The following ADAM12 variants were observed in gnomAD, a reference collection of about 807,000 sequenced individuals.
ADAM12 encodes disintegrin and metalloproteinase domain-containing protein 12.
ADAM12 carries 70 observed loss-of-function variants against 106.4 expected under a neutral mutation model. The observed-to-expected ratio is 0.66, with a 90% CI of 0.54 to 0.80. The LOEUF (loss-of-function observed/expected upper bound fraction) is 0.80. Among genes scored for constraint, ADAM12 ranks in the 30% least tolerant of loss-of-function variants. ADAM12 has a pLI of 0.00. For missense variants in ADAM12, 1,010 were observed against 1,171.9 expected, an observed-to-expected ratio of 0.86 and a Z score of 2.02; for synonymous variants, 420 against 433.5, an observed-to-expected ratio of 0.97 and a Z score of 0.39.
chr10:126,322,008 G>A (rs1364575345), intron 2 of ADAM12, among the ~76,000 whole-genome samples: 2 of 152,048 alleles, frequency 1.3e-5, no homozygotes, highest in African/African-American at 4.8e-5. Flanking sequence ...TAGTCTAGGG[G>A]TTATAAACTA....
chr10:126,385,123 G>A (rs1856617939), intron 1 of ADAM12, among the ~76,000 whole-genome samples: 1 of 152,204 alleles, frequency 6.6e-6, no homozygotes, highest in Admixed American at 6.5e-5. Context: ...AAAAACAGTT[G>A]GAAGAGATGC....
At chr10:126,029,632 C>G (rs1186581729) in intron 21 of ADAM12, among the ~76,000 whole-genome samples, 1 of 152,206 alleles carries the variant, frequency 6.6e-6, no homozygotes, top group Non-Finnish European at 1.5e-5. Flanking sequence ...GTGATGAGAT[C>G]TGTGCTGCAA....
intron 18 of ADAM12, chr10:126,041,942 T>A: frequency 7.0e-7 from 1 of 1,427,708 alleles, no homozygotes; most frequent in Non-Finnish European, 9.1e-7. Context: ...CTGCCCTTCC[T>A]TGCACTGTTT....
chr10:126,206,207 A>G (rs752767831), intron 3 of ADAM12, among the ~76,000 whole-genome samples: 1 of 152,236 alleles, frequency 6.6e-6, no homozygotes, highest in Non-Finnish European at 1.5e-5. Context: ...AACAATTGCA[A>G]GGCAAAGCAA....
chr10:126,077,947 GC>G (rs1351166738), intron 11 of ADAM12, among the ~76,000 whole-genome samples: 2 of 152,122 alleles, frequency 1.3e-5, no homozygotes, highest in Admixed American at 6.5e-5. Flanking sequence ...CCCAATGACT[GC>G]CCCCCAATAC....
chr10:126,176,268 G>A (rs1322924041), intron 3 of ADAM12, among the ~76,000 whole-genome samples: 2 of 152,342 alleles, frequency 1.3e-5, no homozygotes, highest in South Asian at 2.1e-4. Flanking sequence ...CTGGTCCTGC[G>A]GCCTTTGGCT....
At chr10:126,100,091 T>C (rs949789769) in intron 9 of ADAM12, among the ~76,000 whole-genome samples, 148 of 152,156 alleles carry the variant, frequency 9.7e-4, no homozygotes, top group African/African-American at 3.4e-3. Flanking sequence ...GAAATTGTCC[T>C]CTTTATTGTT....
intron 3 of ADAM12, among the ~76,000 whole-genome samples, chr10:126,257,702 T>C (rs150767084): frequency 1.3e-3 from 203 of 152,338 alleles, no homozygotes; most frequent in African/African-American, 4.7e-3. Context: ...ACCGTGGAGA[T>C]GGGCAAGGAA....
At position 126,278,948 on chromosome 10, in the gene ADAM12, C is replaced by T. The variant is rs1959414809; in HGVS notation, c.227G>A (p.Ser76Asn). 1.2e-6 allele frequency: 2 copies of T among 1,612,998 alleles called. No homozygotes were observed. The highest frequency in any genetic ancestry group is 1.3e-5 in the African/African-American group (1 of 74,914). ...EVLNIRLQRESKELIINLERN... is the reference protein window; with the variant it reads ...EVLNIRLQRENKELIINLERN... ...TTCCAGATTTATGATCAGTTCTTTG[C>T]TTTCCCGTTGTAGTCGAATATTCAG... is the stretch of plus-strand genomic sequence containing the variant. The change falls in exon 3 of 23, where the codon AGC (serine) becomes AAC (asparagine). Residue 76 changes from serine (S) to asparagine (N), a missense_variant. Ser to Asn is a conservative substitution (Grantham distance 46). Transcript: ENST00000448723.
rs1189531742 is a variant in ADAM12, at chr10:126,040,273, G to C, written c.2105-844C>G. On this transcript the variant is annotated intron_variant, in intron 18 of 22. Coordinates refer to ENST00000448723, the MANE Select transcript of ADAM12 (RefSeq NM_001288973.2). The stretch of plus-strand genomic sequence containing the variant: ...TTCAACTGGACAGTGAATTTTTAGA[G>C]GACAGGGATCTTGATTCATTTGTCT... Among the ~76,000 whole-genome samples, 3 of 152,312 alleles carry C rather than the reference G, an allele frequency of 2.0e-5. No individual in the cohort carries two copies. The East Asian group carries it at 5.8e-4, about 29-fold the overall frequency.
chr10:126,282,857 T>A (rs1304492083), intron 2 of ADAM12, among the ~76,000 whole-genome samples: 2 of 152,108 alleles, frequency 1.3e-5, no homozygotes. Flanking sequence ...AATTTTTCCA[T>A]GGAACTGGGG....
In ADAM12 at chr10:126,049,568, C is replaced by T. The variant is rs369874764; in HGVS notation, c.1711G>A (p.Glu571Lys). 1.1e-5 allele frequency: 18 copies of T among 1,614,010 alleles called. No individual in the cohort carries two copies. Among genetic ancestry groups the T allele is most frequent in the Middle Eastern group, 1.6e-4 (1 of 6,084 alleles). ...GATGTCTGGATTCCATACCTCATCT[C>T]GCATTTGGCAAAGGAACTCTTCGAG... The part of the protein sequence containing the change: ...KVSKSSFAKC[E>K]MRDAKCGKIQ... The change falls in exon 15 of 23, where the codon GAG (glutamate) becomes AAG (lysine). Residue 571 changes from glutamate to lysine, a missense_variant. Glu to Lys is a moderately conservative substitution (Grantham distance 56). Transcript: ENST00000448723. This position sits in a 1 kb window ranked among gnomAD's most constrained non-coding sequence, Gnocchi z 4.4.
chr10:126,114,980 C>T (rs775835912), intron 6 of ADAM12, among the ~76,000 whole-genome samples: 1 of 152,198 alleles, frequency 6.6e-6, no homozygotes, highest in Non-Finnish European at 1.5e-5. Flanking sequence ...AAATACCCCA[C>T]CACTACTGTG....
At chr10:126,143,166 A>G (rs1485773619) in intron 4 of ADAM12, among the ~76,000 whole-genome samples, 2 of 148,412 alleles carry the variant, frequency 1.3e-5, no homozygotes, top group Admixed American at 6.7e-5. Context: ...ACGTGTATAT[A>G]TATGTATGTG....
At chr10:126,304,690 G>A (rs1248497392) in intron 2 of ADAM12, among the ~76,000 whole-genome samples, 1 of 151,780 alleles carries the variant, frequency 6.6e-6, no homozygotes, top group Non-Finnish European at 1.5e-5. Context: ...CCACAGTGTT[G>A]AAGAAAACAT....
intron 2 of ADAM12, among the ~76,000 whole-genome samples, chr10:126,317,619 G>GTT (rs60048209): frequency 9.9e-5 from 15 of 151,998 alleles, no homozygotes; most frequent in African/African-American, 2.9e-4. Flanking sequence ...TTTAAGAAAT[G>GTT]TTTTTTTCCC....
rs1855840573 is a variant in ADAM12, at chr10:126,364,313, C to A, written c.88+23745G>T. On this transcript the variant is annotated intron_variant, in intron 1 of 22. Coordinates refer to ENST00000448723, the MANE Select transcript of ADAM12 (RefSeq NM_001288973.2). ...GTTTGTACACATTTTTATAGCAATT[C>A]TTTATGTTTGAGACACTGCAATAAA... 3.3e-5 allele frequency among the ~76,000 whole-genome samples: 5 copies of A among 151,312 alleles called. No individual in the cohort carries two copies. In the South Asian group the frequency reaches 1.0e-3, roughly 32 times the overall value.
At chr10:126,345,621 T>C (rs1301306093) in intron 1 of ADAM12, among the ~76,000 whole-genome samples, 6 of 152,230 alleles carry the variant, frequency 3.9e-5, no homozygotes. Flanking sequence ...CTTGTACCTC[T>C]GGTAGAATTC....
intron 6 of ADAM12, among the ~76,000 whole-genome samples, chr10:126,113,220 C>T (rs1397633422): frequency 1.3e-5 from 2 of 152,100 alleles, no homozygotes; most frequent in African/African-American, 4.8e-5. Context: ...GTGTTGGCAA[C>T]AGGCCGTATG....
Sources: gnomAD v4.1 joint callset for allele counts (sites outside exome capture counted in the v4.1 genomes callset) on GRCh38, gnomAD v4.1.1 for gene constraint, Gnocchi (gnomAD v3.1) non-coding constraint, MANE v1.5 for transcripts, NCBI Gene and HGNC (gene_info 2026-07-23, HGNC 2026-07-21) for gene names.